P2RY12: variants seen among roughly 807,000 people sequenced by gnomAD.
P2RY12 encodes P2Y purinoceptor 12.
In P2RY12, 3 loss-of-function variants were observed where a neutral mutation model predicts 4.5. That is an observed-to-expected ratio of 0.67 (90% CI 0.31 to 1.74). P2RY12 has a LOEUF of 1.74. Ranked by LOEUF, P2RY12 falls within the 40% of genes most tolerant of loss-of-function variation. The pLI is 0.09. For synonymous variants in P2RY12, 148 were observed against 154.1 expected, an observed-to-expected ratio of 0.96 and a Z score of 0.29; for missense variants, 356 against 407.8, an observed-to-expected ratio of 0.87 and a Z score of 1.09.
At chr3:151,355,262 T>C (rs766449018) in intron 1 of P2RY12, 1 of 1,521,488 alleles carries the variant, frequency 6.6e-7, no homozygotes, top group Admixed American at 1.8e-5. Flanking sequence ...AGCTGTTTAT[T>C]ATGCATTTGC....
At chr3:151,350,125 G>C in intron 1 of P2RY12, 1 of 1,613,650 alleles carries the variant, frequency 6.2e-7, no homozygotes, top group Non-Finnish European at 8.5e-7. Context: ...CAAAGAGCGT[G>C]ATGAAGCAAG....
chr3:151,357,545 A>G (rs1389745776), intron 1 of P2RY12, among the ~76,000 whole-genome samples: 3 of 152,208 alleles, frequency 2.0e-5, no homozygotes, highest in Non-Finnish European at 4.4e-5. Context: ...CTAAGCATGT[A>G]AAGTATGTTC....
intron 1 of P2RY12, among the ~76,000 whole-genome samples, chr3:151,364,822 C>T (rs936880694): frequency 2.0e-5 from 3 of 152,006 alleles, no homozygotes; most frequent in African/African-American, 4.8e-5. Flanking sequence ...CTTTGATTAG[C>T]GCCAATTAGT....
rs556248040 is a variant in P2RY12, at chr3:151,337,535, ACT to A, written c.*280_*281del. On this transcript the variant is annotated 3_prime_UTR_variant, in exon 3 of 3. Transcript: ENST00000302632. Reference sequence around the variant, plus strand: ...TTATATGATTACTCATTTTGGCAAAACTCTGCAAAACATGAATTCTGTGTAGT... The same window carrying A: ...TTATATGATTACTCATTTTGGCAAAACTGCAAAACATGAATTCTGTGTAGT... 897 of 333,924 alleles carry A rather than the reference ACT, an allele frequency of 2.7e-3. 10 individuals carry two copies. The highest frequency in any genetic ancestry group is 0.012 in the South Asian group (227 of 19,562). 20.7% of individuals were successfully genotyped at this position (333,924 alleles called of 1,614,324 possible).
intron 1 of P2RY12, among the ~76,000 whole-genome samples, chr3:151,356,977 C>A (rs1052271584): frequency 6.6e-5 from 10 of 151,960 alleles, no homozygotes; most frequent in Admixed American, 1.3e-4. Flanking sequence ...CTTGCACTGC[C>A]CTGAAGTTTC....
chr3:151,349,804 G>A (rs1019476800), intron 1 of P2RY12, among the ~76,000 whole-genome samples: 4 of 151,528 alleles, frequency 2.6e-5, no homozygotes, highest in African/African-American at 9.7e-5. Flanking sequence ...TACTTTGTAG[G>A]GTACGCCCAC....
chr3:151,368,190 A>C, intron 1 of P2RY12: 1 of 1,614,108 alleles, frequency 6.2e-7, no homozygotes, highest in African/African-American at 1.3e-5. Flanking sequence ...CGAGAATGAC[A>C]TGCCGACTCT....
chr3:151,337,190 G>A lies in P2RY12; in HGVS notation c.*627C>T, dbSNP rs1236834805. The A allele has an allele frequency of 6.6e-6, 1 of 151,946 alleles. No individual in the cohort carries two copies. The highest frequency in any genetic ancestry group is 2.4e-5 in the African/African-American group (1 of 41,394). The allele number at this position is 151,946 out of a possible 1,614,324, so 9.4% of individuals were successfully genotyped here. On this transcript the variant is annotated 3_prime_UTR_variant, in exon 3 of 3. Coordinates refer to ENST00000302632, the MANE Select transcript of P2RY12 (RefSeq NM_022788.5). ...GACTTCGATATTTCTTCTCTTTATT[G>A]TAAAGGTCTTCTTTAAATCTTTATC...
Position 151,368,586 on chromosome 3 carries a change from ATTTATTTTATTTTATTTTAT to A in P2RY12, c.-180+16086_-180+16105del, listed in dbSNP as rs71637017. Among the ~76,000 whole-genome samples the A allele has an allele frequency of 4.8e-3, 583 of 120,676 alleles. 2 individuals carry two copies. Among genetic ancestry groups the A allele is most frequent in the Middle Eastern group, 0.015 (3 of 204 alleles). The allele number at this position is 120,676 out of a possible 152,430, so 79.2% of individuals were successfully genotyped here. A position where few individuals can be genotyped will look rare whatever the true frequency, so the allele number is the denominator to read the frequency against. The stretch of plus-strand genomic sequence containing the variant: ...ATCACAGCAGCTTAGGGCAATGGTG[ATTTATTTTATTTTATTTTAT>A]TTTATTTTATTTTATTTTATTTTAT... On this transcript the variant is annotated intron_variant, in intron 1 of 2. Coordinates refer to ENST00000302632, the MANE Select transcript of P2RY12 (RefSeq NM_022788.5).
chr3:151,343,824 A>T (rs1202105874), intron 1 of P2RY12, among the ~76,000 whole-genome samples: 3 of 152,166 alleles, frequency 2.0e-5, no homozygotes, highest in African/African-American at 7.2e-5. Context: ...TTCAAATGGG[A>T]TTACTCTGAA....
At chr3:151,343,502 C>G (rs1752136139) in intron 1 of P2RY12, among the ~76,000 whole-genome samples, 1 of 152,158 alleles carries the variant, frequency 6.6e-6, no homozygotes, top group Non-Finnish European at 1.5e-5. Flanking sequence ...GCCAGTTAGA[C>G]CACTTAATGC....
At chr3:151,368,605 A>AT (rs1227342658) in intron 1 of P2RY12, among the ~76,000 whole-genome samples, 1 of 67,352 alleles carries the variant, frequency 1.5e-5, no homozygotes, top group African/African-American at 6.1e-5. Context: ...ATTTTATTTT[A>AT]TTTTATTTTA....
In P2RY12 at chr3:151,367,546, T is replaced by C. The variant is rs1755436336; in HGVS notation, c.-180+17146A>G. On this transcript the variant is annotated intron_variant, in intron 1 of 2. Coordinates refer to ENST00000302632, the MANE Select transcript of P2RY12 (RefSeq NM_022788.5). ...CCCTCTGCTGGTTCATGTTGGGATT[T>C]GAGATCTTATTGGTATTGCCTGCAT... 4 of 1,059,202 alleles carry C rather than the reference T, an allele frequency of 3.8e-6. No individual in the cohort carries two copies. In the East Asian group the frequency reaches 8.0e-5, roughly 21 times the overall value. 65.6% of individuals were successfully genotyped at this position (1,059,202 alleles called of 1,614,324 possible).
chr3:151,377,270 A>G, intron 1 of P2RY12: 1 of 966,480 alleles, frequency 1.0e-6, no homozygotes, highest in Non-Finnish European at 1.5e-6. Flanking sequence ...TTTAAGTCAT[A>G]GGAATGTGAA....
At chr3:151,371,779 A>C (rs1051566582) in intron 1 of P2RY12, among the ~76,000 whole-genome samples, 1 of 152,108 alleles carries the variant, frequency 6.6e-6, no homozygotes, top group Non-Finnish European at 1.5e-5. Context: ...CCTTATTTTG[A>C]ATTTTTATTA....
rs765608592 is a variant in P2RY12, at chr3:151,338,516, G to C, written c.330C>G (p.Ile110Met). The C allele has an allele frequency of 1.2e-6, 2 of 1,613,898 alleles. No homozygotes were observed. Among genetic ancestry groups the C allele is most frequent in the South Asian group, 1.1e-5 (1 of 91,066 alleles). The change falls in exon 3 of 3, where the codon ATC becomes ATG. Residue 110 changes from isoleucine to methionine, a missense_variant. Physicochemically the swap from Ile to Met is conservative, Grantham distance 10 (BLOSUM62 1). Coordinates refer to ENST00000302632, the MANE Select transcript of P2RY12 (RefSeq NM_022788.5). ...TTATCAGTCCCAGGAATGAAATACT[G>C]ATATACATTGTGAAATAAAATATGA... ...TSVIFYFTMYISISFLGLITI... is the reference protein window; with the variant it reads ...TSVIFYFTMYMSISFLGLITI...
chr3:151,373,571 T>TC (rs1327588814), intron 1 of P2RY12, among the ~76,000 whole-genome samples: 18 of 151,906 alleles, frequency 1.2e-4, no homozygotes, highest in South Asian at 1.0e-3. Flanking sequence ...TTTTTTTTTT[T>TC]CCCCAACTTC....
chr3:151,378,246 G>T, intron 1 of P2RY12: 1 of 1,413,910 alleles, frequency 7.1e-7, no homozygotes, highest in Non-Finnish European at 9.4e-7. Flanking sequence ...CTGTAAACCT[G>T]TGTGGTCACT....
chr3:151,347,810 G>A (rs1381690804), intron 1 of P2RY12, among the ~76,000 whole-genome samples: 2 of 152,156 alleles, frequency 1.3e-5, no homozygotes, highest in Non-Finnish European at 2.9e-5. Context: ...TTACAAGGAA[G>A]CGATGTTACC....
Sources: gnomAD v4.1 joint callset for allele counts (sites outside exome capture counted in the v4.1 genomes callset) on GRCh38, gnomAD v4.1.1 for gene constraint, MANE v1.5 for transcripts, NCBI Gene and HGNC (gene_info 2026-07-23, HGNC 2026-07-21) for gene names.